The following A1CF variants were observed in gnomAD, a reference collection of about 807,000 sequenced individuals.
A1CF encodes the protein APOBEC1 complementation factor, also known as APOBEC-1 stimulating protein.
A1CF carries 48 observed loss-of-function variants against 68.9 expected under a neutral mutation model. The observed-to-expected ratio is 0.70, with a 90% CI of 0.55 to 0.89. The LOEUF (loss-of-function observed/expected upper bound fraction) is 0.89, where lower values mean the gene tolerates loss of function less well. Ranked by LOEUF, A1CF falls within the 40% of genes least tolerant of loss-of-function variation. The pLI, the probability that A1CF is intolerant of heterozygous loss-of-function variation, is 0.00. For synonymous variants in A1CF, 272 were observed against 260.4 expected (o/e 1.04, Z -0.43); for missense variants, 653 against 718.9 (o/e 0.91, Z 1.05).
Position 50,841,799 on chromosome 10 carries a change from A to T in A1CF, c.365+63T>A, listed in dbSNP as rs1024954391. On this transcript the variant is annotated intron_variant, in intron 5 of 12. Transcript: ENST00000373997. Reference sequence around the variant, plus strand: ...GCATACACCATATTAGATAAACTTGATAGAAAAACAGACACAGGTGCATTG... The same window carrying T: ...GCATACACCATATTAGATAAACTTGTTAGAAAAACAGACACAGGTGCATTG... 1.0e-5 allele frequency: 16 copies of T among 1,586,252 alleles called. No homozygotes were observed. The African/African-American group carries it at 2.2e-4, about 22-fold the overall frequency.
chr10:50,878,709 C>T (rs1589053630), intron 1 of A1CF, among the ~76,000 whole-genome samples: 1 of 152,178 alleles, frequency 6.6e-6, no homozygotes, highest in East Asian at 1.9e-4. Flanking sequence ...AGTTTCCAGG[C>T]ATTATAGGTT....
At chr10:50,851,163 T>G (rs1015027350) in intron 3 of A1CF, among the ~76,000 whole-genome samples, 4 of 152,226 alleles carry the variant, frequency 2.6e-5, no homozygotes, top group African/African-American at 9.6e-5. Context: ...TTTTAATTTC[T>G]GACAAGCTGA....
At chr10:50,878,763 G>T (rs1320039467) in intron 1 of A1CF, among the ~76,000 whole-genome samples, 4 of 152,170 alleles carry the variant, frequency 2.6e-5, no homozygotes, top group African/African-American at 7.2e-5. Context: ...GGCATTTGCT[G>T]CATGATGTCA....
At chr10:50,825,685 G>T (rs533387892) in intron 7 of A1CF, among the ~76,000 whole-genome samples, 12 of 152,276 alleles carry the variant, frequency 7.9e-5, no homozygotes, top group Admixed American at 1.3e-4. Context: ...AAGAGATGGG[G>T]AGTCAATCTG....
chr10:50,809,307 C>T (rs1837982173), intron 12 of A1CF, among the ~76,000 whole-genome samples: 1 of 152,176 alleles, frequency 6.6e-6, no homozygotes, highest in African/African-American at 2.4e-5. Flanking sequence ...CTCTCACTCT[C>T]ACAAAATTTT....
chr10:50,846,375 AAG>A (rs1840002026), intron 3 of A1CF, among the ~76,000 whole-genome samples: 1 of 152,192 alleles, frequency 6.6e-6, no homozygotes, highest in South Asian at 2.1e-4. Flanking sequence ...TTTTGGATAA[AAG>A]ATACTCAACC....
At chr10:50,853,458 A>G (rs1253579154) in intron 3 of A1CF, among the ~76,000 whole-genome samples, 1 of 152,140 alleles carries the variant, frequency 6.6e-6, no homozygotes, top group Non-Finnish European at 1.5e-5. Context: ...GACACTTACC[A>G]TGATCTGTAA....
At chr10:50,831,059 GC>G (rs762454059) in intron 6 of A1CF, among the ~76,000 whole-genome samples, 2 of 152,144 alleles carry the variant, frequency 1.3e-5, no homozygotes, top group Non-Finnish European at 2.9e-5. Context: ...ATATCCATAT[GC>G]AAAAGAATGA....
intron 4 of A1CF, 36 bp from the exon 5 acceptor site, chr10:50,842,028 C>T (rs573329582): frequency 2.0e-5 from 31 of 1,558,202 alleles, no homozygotes; most frequent in African/African-American, 5.4e-5. Flanking sequence ...TATATTTATA[C>T]GTTTGTACTT....
intron 3 of A1CF, among the ~76,000 whole-genome samples, chr10:50,853,614 G>A (rs948582700): frequency 6.6e-6 from 1 of 152,114 alleles, no homozygotes; most frequent in Non-Finnish European, 1.5e-5. Context: ...TTGAGGTGGT[G>A]TGAATGGGCA....
intron 1 of A1CF, among the ~76,000 whole-genome samples, chr10:50,875,553 T>C (rs1020948284): frequency 2.0e-5 from 3 of 152,212 alleles, no homozygotes; most frequent in African/African-American, 7.2e-5. Context: ...TTGCTATGAA[T>C]TCTAACTCTG....
Position 50,868,644 on chromosome 10 carries a change from G to A in A1CF, c.-93-4564C>T, listed in dbSNP as rs188459546. Reference sequence around the variant, plus strand: ...ACTTGTCAATTTAAGCCAAGACAAGGCTTAAATTAAAGAAAGAAAAGAAAT... The same window carrying A: ...ACTTGTCAATTTAAGCCAAGACAAGACTTAAATTAAAGAAAGAAAAGAAAT... On this transcript the variant is annotated intron_variant, in intron 1 of 12. Transcript: ENST00000373997. Among the ~76,000 whole-genome samples, 191 of 152,224 alleles carry A rather than the reference G, an allele frequency of 1.3e-3. 1 individual carries two copies. The Middle Eastern group carries it at 0.024, about 19-fold the overall frequency.
chr10:50,817,759 A>G (rs867401763), intron 8 of A1CF, among the ~76,000 whole-genome samples: 5 of 152,294 alleles, frequency 3.3e-5, no homozygotes, highest in South Asian at 2.1e-4. Context: ...GCAAATTCAG[A>G]TATCTTGTAA....
rs1837794799 is a variant in A1CF, at chr10:50,805,918, A to G, written c.*811T>C. 6.6e-6 allele frequency: 1 copy of G among 152,220 alleles called. No individual in the cohort carries two copies. The highest frequency in any genetic ancestry group is 1.9e-4 in the East Asian group (1 of 5,208). 9.4% of individuals were successfully genotyped at this position (152,220 alleles called of 1,614,324 possible). ...AAATGAGTCTGAGATGATGAAAATC[A>G]AGCAATATGAACAAGTCAAAAAATT... On this transcript the variant is annotated 3_prime_UTR_variant, in exon 13 of 13. Transcript: ENST00000373997.
chr10:50,826,595 A>G (rs1478015124), intron 7 of A1CF, among the ~76,000 whole-genome samples: 4 of 152,272 alleles, frequency 2.6e-5, no homozygotes, highest in Non-Finnish European at 4.4e-5. Flanking sequence ...AGATTTTGTC[A>G]CTACCAGGCC....
intron 7 of A1CF, among the ~76,000 whole-genome samples, chr10:50,826,432 C>G (rs1838939064): frequency 6.6e-6 from 1 of 152,028 alleles, no homozygotes; most frequent in African/African-American, 2.4e-5. Context: ...GTTTTGATCT[C>G]TCGGCAGAAA....
chr10:50,874,848 A>C (rs533086934), intron 1 of A1CF, among the ~76,000 whole-genome samples: 3 of 152,204 alleles, frequency 2.0e-5, no homozygotes, highest in Non-Finnish European at 4.4e-5. Flanking sequence ...AGCTGTGCAC[A>C]AAAACCAGAC....
chr10:50,820,897 G>C (rs970052387), intron 7 of A1CF, among the ~76,000 whole-genome samples: 7 of 152,096 alleles, frequency 4.6e-5, no homozygotes, highest in African/African-American at 1.7e-4. Context: ...AGGTGTCTAA[G>C]GGTGGGAATT....
intron 8 of A1CF, among the ~76,000 whole-genome samples, 162 bp downstream of exon 8, chr10:50,820,390 T>C (rs1403645689): frequency 6.6e-6 from 1 of 152,210 alleles, no homozygotes; most frequent in East Asian, 1.9e-4. Context: ...CCAACTTCCA[T>C]TGTATTTTCC....
Sources: allele counts gnomAD v4.1 joint callset (sites outside exome capture counted in the v4.1 genomes callset), GRCh38; gene constraint gnomAD v4.1.1; transcripts MANE v1.5; gene names NCBI Gene and HGNC (gene_info 2026-07-23, HGNC 2026-07-21).